The following RBPMS variants were observed in gnomAD, a reference collection of about 807,000 sequenced individuals.
The protein encoded by RBPMS is RNA-binding protein with multiple splicing.
Under a neutral mutation model 26.8 loss-of-function variants are expected in RBPMS, and 7 were observed. That is an observed-to-expected ratio of 0.26 (90% confidence interval 0.15 to 0.49). The LOEUF (loss-of-function observed/expected upper bound fraction) is 0.49. Ranked by LOEUF, RBPMS falls within the 20% of genes least tolerant of loss-of-function variation. The pLI, the probability that RBPMS is intolerant of heterozygous loss-of-function variation, is 0.98. For missense variants in RBPMS, 186 were observed against 250.0 expected (o/e 0.74, Z 1.73); for synonymous variants, 96 against 93.3 (o/e 1.03, Z -0.17).
intron 4 of RBPMS, among the ~76,000 whole-genome samples, chr8:30,493,476 A>G (rs1483196866): frequency 3.9e-5 from 6 of 152,008 alleles, no homozygotes; most frequent in African/African-American, 1.4e-4. Flanking sequence ...TAAGGATTCT[A>G]AGGGATGTTT....
intron 8 of RBPMS, 59 bp downstream of exon 8, chr8:30,566,419 C>T: frequency 4.2e-6 from 2 of 473,282 alleles, no homozygotes; most frequent in Non-Finnish European, 5.5e-6. Flanking sequence ...CACGTGGGAA[C>T]TGTGGGCCTC....
chr8:30,485,653 A>T (rs913385061), intron 4 of RBPMS, among the ~76,000 whole-genome samples: 1 of 152,230 alleles, frequency 6.6e-6, no homozygotes, highest in African/African-American at 2.4e-5. Flanking sequence ...AACTATGTGC[A>T]TGCACTTTGG....
chr8:30,438,975 C>A (rs1812777984), intron 1 of RBPMS, among the ~76,000 whole-genome samples: 1 of 152,140 alleles, frequency 6.6e-6, no homozygotes. Context: ...TGGGGTTTCA[C>A]CATGCTGTCC....
chr8:30,468,521 ATGCCATCTTAT>A (rs1422300759), intron 1 of RBPMS, among the ~76,000 whole-genome samples: 4 of 152,244 alleles, frequency 2.6e-5, no homozygotes, highest in Middle Eastern at 6.8e-3. Context: ...TGACTGGGAA[ATGCCATCTTAT>A]TTTGCTTGCC....
chr8:30,504,264 C>T (rs1820863324), intron 4 of RBPMS, 22 bp from the exon 5 acceptor site: 1 of 1,613,390 alleles, frequency 6.2e-7, no homozygotes, highest in African/African-American at 1.3e-5. Flanking sequence ...AAACATCTTC[C>T]ATTTGTTCTC....
intron 6 of RBPMS, among the ~76,000 whole-genome samples, chr8:30,549,796 C>CTCTCT (rs56259442): frequency 7.2e-4 from 69 of 96,398 alleles, no homozygotes; most frequent in African/African-American, 2.4e-3. Flanking sequence ...CTCTCTCTCT[C>CTCTCT]CCCTCTCTCC....
chr8:30,486,634 AAAAAAAAT>A (rs71206257), intron 4 of RBPMS, among the ~76,000 whole-genome samples: 70,756 of 150,900 alleles, frequency 0.47, 16,605 homozygotes, highest in Middle Eastern at 0.57. Context: ...CTCTCTCTCA[AAAAAAAAT>A]AAAAAAATAA....
At chr8:30,530,982 T>TTA (rs1004995951) in intron 5 of RBPMS, among the ~76,000 whole-genome samples, 13 of 151,770 alleles carry the variant, frequency 8.6e-5, no homozygotes, top group South Asian at 4.2e-4. Flanking sequence ...TGGGCTTGTA[T>TTA]TATATATATA....
intron 1 of RBPMS, among the ~76,000 whole-genome samples, chr8:30,471,087 A>T (rs765633127): frequency 6.6e-6 from 1 of 152,212 alleles, no homozygotes; most frequent in Non-Finnish European, 1.5e-5. Context: ...TTTTAGAAAG[A>T]TGGAAAATAC....
intron 5 of RBPMS, among the ~76,000 whole-genome samples, chr8:30,524,664 A>C (rs1454089245): frequency 6.6e-6 from 1 of 152,168 alleles, no homozygotes; most frequent in East Asian, 1.9e-4. Flanking sequence ...AGGGTTAAAG[A>C]CCCAAATGTG....
intron 6 of RBPMS, chr8:30,555,913 C>CA (rs1407231764): frequency 1.0e-6 from 1 of 984,760 alleles, no homozygotes; most frequent in Non-Finnish European, 1.2e-6. Context: ...TGTTCCCCCC[C>CA]ACCGGGCCGG....
At chr8:30,496,293 C>A (rs994977506) in intron 4 of RBPMS, among the ~76,000 whole-genome samples, 1 of 152,022 alleles carries the variant, frequency 6.6e-6, no homozygotes, top group African/African-American at 2.4e-5. Context: ...CTCAGCCTCC[C>A]AAGTATCTGG....
rs1828229126 is a variant in RBPMS, at chr8:30,570,981, A to G, written c.*456A>G. On this transcript the variant is annotated 3_prime_UTR_variant, in exon 9 of 9. Coordinates refer to ENST00000397323, the MANE Select transcript of RBPMS (RefSeq NM_001008710.3). ...TGAATGCTTGTAATTAAAAATATCT[A>G]TTTTTTTCCTCTGAAGTAAGTTGCA... 1 of 152,128 alleles carries G rather than the reference A, an allele frequency of 6.6e-6. No individual in the cohort carries two copies. The highest frequency in any genetic ancestry group is 2.4e-5 in the African/African-American group (1 of 41,424). 9.4% of individuals were successfully genotyped at this position (152,128 alleles called of 1,614,324 possible). A position where few individuals can be genotyped will look rare whatever the true frequency, so the allele number is the denominator to read the frequency against.
chr8:30,478,173 A>G (rs1278200863), intron 3 of RBPMS, among the ~76,000 whole-genome samples: 1 of 152,208 alleles, frequency 6.6e-6, no homozygotes, highest in Non-Finnish European at 1.5e-5. Flanking sequence ...AACTTTTACA[A>G]TCAATGTGAA....
At chr8:30,561,484 T>C (rs1300213593) in intron 7 of RBPMS, among the ~76,000 whole-genome samples, 1 of 152,058 alleles carries the variant, frequency 6.6e-6, no homozygotes, top group Non-Finnish European at 1.5e-5. Flanking sequence ...GTGCCGAGGA[T>C]GAGGTAACTG....
intron 1 of RBPMS, among the ~76,000 whole-genome samples, chr8:30,459,334 T>C (rs1797498598): frequency 6.6e-6 from 1 of 151,744 alleles, no homozygotes; most frequent in Non-Finnish European, 1.5e-5. Flanking sequence ...TTGCTCAGGC[T>C]TTCCTTGAAC....
At chr8:30,447,552 C>T (rs909471651) in intron 1 of RBPMS, among the ~76,000 whole-genome samples, 2 of 152,140 alleles carry the variant, frequency 1.3e-5, no homozygotes, top group Non-Finnish European at 2.9e-5. Context: ...AAAGTATTTC[C>T]TTCCAGCCTG....
intron 4 of RBPMS, among the ~76,000 whole-genome samples, chr8:30,490,919 C>T (rs1819322286): frequency 6.6e-6 from 1 of 152,184 alleles, no homozygotes; most frequent in Non-Finnish European, 1.5e-5. Context: ...AAGTACTTTG[C>T]AGTGAACTTC....
At chr8:30,537,072 G>C (rs1044456851) in intron 5 of RBPMS, among the ~76,000 whole-genome samples, 1 of 152,220 alleles carries the variant, frequency 6.6e-6, no homozygotes, top group African/African-American at 2.4e-5. Context: ...TCATAGGAAG[G>C]AGGAGGAATG....
Sources: allele counts gnomAD v4.1 joint callset (sites outside exome capture counted in the v4.1 genomes callset), GRCh38; gene constraint gnomAD v4.1.1; transcripts MANE v1.5; gene names NCBI Gene and HGNC (gene_info 2026-07-23, HGNC 2026-07-21).